PIP5K1C: variants seen among roughly 807,000 people sequenced by gnomAD.
PIP5K1C encodes phosphatidylinositol 4-phosphate 5-kinase type-1 gamma.
Under a neutral mutation model 80.1 loss-of-function variants are expected in PIP5K1C, and 45 were observed. The ratio of observed to expected loss-of-function variants is 0.56; its 90% CI spans 0.44 to 0.72. The LOEUF is 0.72. Among genes scored for constraint, PIP5K1C ranks in the 30% least tolerant of loss-of-function variants. The pLI, the probability that PIP5K1C is intolerant of heterozygous loss-of-function variation, is 0.00. For missense variants in PIP5K1C, 753 were observed against 954.6 expected (o/e 0.79, Z 2.78); for synonymous variants, 498 against 420.1 (o/e 1.19, Z -2.27).
At chr19:3,674,219 G>GTA (rs1325742120) in intron 1 of PIP5K1C, 1 of 152,250 alleles carries the variant, frequency 6.6e-6, no homozygotes, top group African/African-American at 2.4e-5. Context: ...CTAACCCCAG[G>GTA]TATGACCTAC....
chr19:3,697,338 G>A (rs2036152862), intron 1 of PIP5K1C, among the ~76,000 whole-genome samples: 3 of 151,764 alleles, frequency 2.0e-5, no homozygotes, highest in South Asian at 2.1e-4. Context: ...GGACCGAGCT[G>A]GACCGGGGAG....
Position 3,632,419 on chromosome 19 carries a change from G to C in PIP5K1C, c.*748C>G, listed in dbSNP as rs1426508315. The C allele has an allele frequency of 6.6e-6, 1 of 152,388 alleles. No individual in the cohort carries two copies. Among genetic ancestry groups the C allele is most frequent in the South Asian group, 2.1e-4 (1 of 4,840 alleles). 9.4% of individuals were successfully genotyped at this position (152,388 alleles called of 1,614,324 possible). ...CCCCAGCCCTGAGCTCCGCCAGCGT[G>C]GGTGGCAGCCTGGGGAAGAGGAGGC... On this transcript the variant is annotated 3_prime_UTR_variant, in exon 18 of 18. Transcript: ENST00000335312.
chr19:3,697,324 AGGAGGACCGAGCTGGACCGG>A (rs2036152388), intron 1 of PIP5K1C, among the ~76,000 whole-genome samples: 1 of 149,086 alleles, frequency 6.7e-6, no homozygotes, highest in Admixed American at 6.7e-5. Flanking sequence ...GGCCGGACGG[AGGAGGACCGAGCTGGACCGG>A]GGAGGACCGA....
rs1568314573 is a variant in PIP5K1C at position 3,642,945 on chromosome 19, G to A, written c.1650-6C>T. ...CAGACGACTGTGTGCGCCGCCTGCA[G>A]AGATACAGCAAACACGTGACACCCA... On this transcript the variant is annotated splice_region_variant and splice_polypyrimidine_tract_variant and intron_variant, in intron 13 of 17. Coordinates refer to ENST00000335312, the MANE Select transcript of PIP5K1C (RefSeq NM_012398.3). 6.2e-7 allele frequency: 1 copy of A among 1,613,530 alleles called. No homozygotes were observed. Among genetic ancestry groups the A allele is most frequent in the Non-Finnish European group, 8.5e-7 (1 of 1,179,842 alleles).
intron 6 of PIP5K1C, 99 bp downstream of exon 6, chr19:3,656,304 AAG>A: frequency 1.4e-6 from 2 of 1,381,960 alleles, no homozygotes; most frequent in Non-Finnish European, 2.0e-6. Flanking sequence ...ACCACGCCCC[AAG>A]GATGCCTGCT....
At chr19:3,695,005 G>T (rs766798153) in intron 1 of PIP5K1C, among the ~76,000 whole-genome samples, 1 of 152,280 alleles carries the variant, frequency 6.6e-6, no homozygotes, top group Non-Finnish European at 1.5e-5. Context: ...GGCCACCAAG[G>T]CCGGCAACGG....
intron 1 of PIP5K1C, among the ~76,000 whole-genome samples, chr19:3,697,139 C>A (rs1287205930): frequency 7.0e-6 from 1 of 143,298 alleles, no homozygotes; most frequent in Non-Finnish European, 1.5e-5. Context: ...GAGGACTGAG[C>A]CGGACGAAGG....
chr19:3,690,784 T>G (rs184360798), intron 1 of PIP5K1C, among the ~76,000 whole-genome samples: 1 of 152,136 alleles, frequency 6.6e-6, no homozygotes, highest in Non-Finnish European at 1.5e-5. Context: ...GACAGATAAC[T>G]GTAGACTGGG....
intron 4 of PIP5K1C, 43 bp from the exon 5 acceptor site, chr19:3,661,126 C>A: frequency 7.5e-7 from 1 of 1,328,296 alleles, no homozygotes; most frequent in Non-Finnish European, 1.1e-6. Flanking sequence ...GGGTGGTGGG[C>A]ACCTCTCCCC....
intron 1 of PIP5K1C, among the ~76,000 whole-genome samples, chr19:3,689,808 C>A (rs2035887138): frequency 6.6e-6 from 1 of 152,036 alleles, no homozygotes; most frequent in African/African-American, 2.4e-5. Flanking sequence ...CATGCACTCT[C>A]ACACACACAA....
At chr19:3,666,826 C>A (rs541953049) in intron 2 of PIP5K1C, among the ~76,000 whole-genome samples, 1 of 152,368 alleles carries the variant, frequency 6.6e-6, no homozygotes, top group Non-Finnish European at 1.5e-5. Context: ...CAAACATGCA[C>A]ACATAGGCTG....
At chr19:3,666,273 G>A (rs902903787) in intron 2 of PIP5K1C, among the ~76,000 whole-genome samples, 1 of 152,008 alleles carries the variant, frequency 6.6e-6, no homozygotes, top group African/African-American at 2.4e-5. Context: ...CTGCATGCGG[G>A]AAGACGGGAG....
At chr19:3,656,264 G>A in intron 6 of PIP5K1C, 141 bp downstream of exon 6, 1 of 872,246 alleles carries the variant, frequency 1.1e-6, no homozygotes, top group South Asian at 1.4e-5. Flanking sequence ...GACCCCCGAG[G>A]GTGAGTCCCC....
chr19:3,654,451 GC>G (rs2034552657), intron 6 of PIP5K1C, among the ~76,000 whole-genome samples: 1 of 152,190 alleles, frequency 6.6e-6, no homozygotes, highest in South Asian at 2.1e-4. Context: ...GTGAACTCCA[GC>G]CCCTGGGCCG....
intron 15 of PIP5K1C, 69 bp downstream of exon 15, chr19:3,641,636 G>A (rs938566946): frequency 1.3e-5 from 14 of 1,104,646 alleles, no homozygotes; most frequent in East Asian, 4.7e-5. Context: ...ATGAAACCTC[G>A]GGGTGCTCTT....
chr19:3,668,030 A>T (rs537651785), intron 1 of PIP5K1C, among the ~76,000 whole-genome samples: 1 of 152,170 alleles, frequency 6.6e-6, no homozygotes, highest in Admixed American at 6.5e-5. Context: ...AGAGGCTGCG[A>T]GGGGACCCCC....
chr19:3,645,580 G>A (rs2034178744), intron 11 of PIP5K1C, among the ~76,000 whole-genome samples: 1 of 152,136 alleles, frequency 6.6e-6, no homozygotes, highest in South Asian at 2.1e-4. Flanking sequence ...TTTCCTTGGC[G>A]ATGGTGATGC....
chr19:3,656,913 C>T (rs2034654643), intron 5 of PIP5K1C, among the ~76,000 whole-genome samples: 1 of 152,226 alleles, frequency 6.6e-6, no homozygotes, highest in South Asian at 2.1e-4. Flanking sequence ...CAGCTCTGCC[C>T]CATGAGTCAT....
rs368332020 is a variant in PIP5K1C, at chr19:3,647,331, C to G, written c.1260+7G>C. On this transcript the variant is annotated splice_region_variant and intron_variant, in intron 10 of 17. Coordinates refer to ENST00000335312, the MANE Select transcript of PIP5K1C (RefSeq NM_012398.3). ...AGGAGGAATGGGAGGAGGGTGCAGG[C>G]GCTCACCCCATCGTGGACGAGGGCC... The G allele has an allele frequency of 4.5e-6, 7 of 1,570,072 alleles. No individual in the cohort carries two copies. The highest frequency in any genetic ancestry group is 5.2e-6 in the Non-Finnish European group (6 of 1,156,694).
Sources: gnomAD v4.1 joint callset for allele counts (sites outside exome capture counted in the v4.1 genomes callset) on GRCh38, gnomAD v4.1.1 for gene constraint, MANE v1.5 for transcripts, NCBI Gene and HGNC (gene_info 2026-07-23, HGNC 2026-07-21) for gene names.